SOS2: variants seen among roughly 807,000 people sequenced by gnomAD.
The protein encoded by SOS2 is son of sevenless homolog 2.
Under a neutral mutation model 148.2 loss-of-function variants are expected in SOS2, and 65 were observed. That is an observed-to-expected ratio of 0.44 (90% CI 0.36 to 0.54). The LOEUF (loss-of-function observed/expected upper bound fraction) is 0.54, where lower values mean the gene tolerates loss of function less well. Among genes scored for constraint, SOS2 ranks in the 20% least tolerant of loss-of-function variants. SOS2 has a pLI of 0.00. For synonymous variants in SOS2, 539 were observed against 537.1 expected (o/e 1.00, Z -0.05); for missense variants, 1,341 against 1,590.2 (o/e 0.84, Z 2.67).
chr14:50,143,101 C>T (rs1884347403), intron 16 of SOS2, among the ~76,000 whole-genome samples: 1 of 151,904 alleles, frequency 6.6e-6, no homozygotes, highest in South Asian at 2.1e-4. Flanking sequence ...AAAAGACAAA[C>T]AGAAATGAGA....
At position 50,119,803 on chromosome 14, in the gene SOS2, CTT is replaced by C. The variant is rs59325250; in HGVS notation, c.3489+470_3489+471del. Among the ~76,000 whole-genome samples the C allele has an allele frequency of 1.8e-4, 12 of 68,528 alleles. No homozygotes were observed. In the South Asian group the frequency reaches 3.0e-3, roughly 17 times the overall value. 45.0% of individuals were successfully genotyped at this position (68,528 alleles called of 152,430 possible). ...TGCCTGCCTCAGCCTCCCAACCAGC[CTT>C]TTTTTTTTTTTTTTTTTTTTTTGAG... On this transcript the variant is annotated intron_variant, in intron 22 of 22. Transcript: ENST00000216373.
intron 5 of SOS2, among the ~76,000 whole-genome samples, chr14:50,188,114 A>G (rs1395323380): frequency 6.6e-6 from 1 of 152,146 alleles, no homozygotes; most frequent in Non-Finnish European, 1.5e-5. Flanking sequence ...TAAAGTTACT[A>G]TTTATGGGCT....
At chr14:50,119,571 G>A (rs1436566662) in intron 22 of SOS2, among the ~76,000 whole-genome samples, 1 of 150,742 alleles carries the variant, frequency 6.6e-6, no homozygotes, top group Non-Finnish European at 1.5e-5. Context: ...TTGCTCTGTC[G>A]CCCAGGCTGG....
chr14:50,182,635 T>C (rs919498842), intron 5 of SOS2, 29 bp from the exon 6 acceptor site: 2 of 1,573,944 alleles, frequency 1.3e-6, no homozygotes, highest in Middle Eastern at 2.1e-4. Flanking sequence ...GGTTAAGAAA[T>C]GTGAGATTGA....
chr14:50,191,759 T>G (rs1002497287), intron 4 of SOS2, among the ~76,000 whole-genome samples: 1 of 152,190 alleles, frequency 6.6e-6, no homozygotes, highest in Admixed American at 6.5e-5. Flanking sequence ...TGCCAGCTGT[T>G]TTCTGTTAGG....
intron 7 of SOS2, among the ~76,000 whole-genome samples, chr14:50,178,644 G>A (rs918008603): frequency 1.8e-4 from 26 of 141,848 alleles, no homozygotes; most frequent in African/African-American, 6.6e-4. Context: ...CACCATGCCC[G>A]CTAGTGTGTG....
chr14:50,166,681 T>C (rs1002582568), intron 8 of SOS2, among the ~76,000 whole-genome samples: 1 of 152,180 alleles, frequency 6.6e-6, no homozygotes, highest in Non-Finnish European at 1.5e-5. Context: ...TTCACTGAAA[T>C]ATTTACCCTG....
In SOS2 at chr14:50,188,503, T is replaced by A. The variant is rs1197421823; in HGVS notation, c.708A>T (p.Lys236Asn). The A allele has an allele frequency of 1.3e-6, 2 of 1,597,718 alleles. No homozygotes were observed. The highest frequency in any genetic ancestry group is 4.5e-5 in the East Asian group (2 of 44,728). ...AACCCAAAAAGGTACTTACAGAAGG[T>A]TTAAACAGCTTTCTATCAGAAAGAA... The part of the protein sequence containing the change: ...EAFLSDRKLF[K>N]PSDIEKIFSN... The change falls in exon 5 of 23, where the codon AAA (lysine) becomes AAT (asparagine). Residue 236 changes from lysine to asparagine, a missense_variant. By Grantham distance (94) the Lys-to-Asn change is moderately conservative. This residue lies in a region of SOS2 where 574 missense variants were observed against 711.1 expected (regional missense o/e 0.81). Transcript: ENST00000216373.
chr14:50,133,980 C>CA lies in SOS2; in HGVS notation c.3075+142dup, dbSNP rs71118843. 0.047 allele frequency: 30,002 copies of CA among 636,766 alleles called. 898 individuals carry two copies. Among genetic ancestry groups the CA allele is most frequent in the Non-Finnish European group, 0.065 (22,856 of 354,214 alleles). 39.4% of individuals were successfully genotyped at this position (636,766 alleles called of 1,614,324 possible). A position where few individuals can be genotyped will look rare whatever the true frequency, so the allele number is the denominator to read the frequency against. Reference sequence around the variant, plus strand: ...ATCAAAAGGCTGACATTTCCCCCCCCAGTTTTAGAAATAGTATATTACTGC... The same window carrying CA: ...ATCAAAAGGCTGACATTTCCCCCCCCAAGTTTTAGAAATAGTATATTACTGC... On this transcript the variant is annotated intron_variant, in intron 19 of 22. Transcript: ENST00000216373.
At chr14:50,184,229 A>G (rs974861447) in intron 5 of SOS2, among the ~76,000 whole-genome samples, 1 of 152,198 alleles carries the variant, frequency 6.6e-6, no homozygotes, top group Non-Finnish European at 1.5e-5. Flanking sequence ...CAAACACATC[A>G]TATGACTGAC....
chr14:50,207,695 C>G (rs1293381258), intron 1 of SOS2, among the ~76,000 whole-genome samples: 4 of 151,600 alleles, frequency 2.6e-5, no homozygotes, highest in Non-Finnish European at 4.4e-5. Context: ...CATCTGAGGT[C>G]GGGAGTTCGA....
At chr14:50,140,171 T>C in intron 16 of SOS2, 112 bp from the exon 17 acceptor site, 1 of 587,818 alleles carries the variant, frequency 1.7e-6, no homozygotes, top group South Asian at 2.5e-5. Context: ...ACAATTTTTT[T>C]ACATTAAAAG....
At chr14:50,202,613 T>G (rs1005544376) in intron 2 of SOS2, among the ~76,000 whole-genome samples, 3 of 152,236 alleles carry the variant, frequency 2.0e-5, no homozygotes, top group Non-Finnish European at 2.9e-5. Flanking sequence ...CATGCACTTG[T>G]AGTCCCAGCT....
chr14:50,129,882 C>T (rs984755971), intron 21 of SOS2, 79 bp downstream of exon 21: 3 of 876,428 alleles, frequency 3.4e-6, no homozygotes, highest in South Asian at 3.2e-5. Flanking sequence ...ATTGCCAAAA[C>T]TCAAAATACT....
chr14:50,155,735 A>ATTCT (rs1314919097), intron 12 of SOS2, among the ~76,000 whole-genome samples: 9 of 152,186 alleles, frequency 5.9e-5, no homozygotes, highest in Non-Finnish European at 1.3e-4. Context: ...AGGACTGAGA[A>ATTCT]CACAGCAAAT....
intron 7 of SOS2, among the ~76,000 whole-genome samples, chr14:50,180,250 T>TA (rs1387459720): frequency 5.3e-5 from 8 of 149,688 alleles, no homozygotes; most frequent in Non-Finnish European, 1.2e-4. Context: ...GTGATCCACC[T>TA]GTCTTGGCCT....
intron 14 of SOS2, among the ~76,000 whole-genome samples, chr14:50,146,392 C>T (rs1293809196): frequency 6.6e-6 from 1 of 152,094 alleles, no homozygotes; most frequent in African/African-American, 2.4e-5. Context: ...GCCTGTAATC[C>T]CAGCACTTTG....
chr14:50,185,244 A>C (rs1209721927), intron 5 of SOS2, among the ~76,000 whole-genome samples: 1 of 152,018 alleles, frequency 6.6e-6, no homozygotes, highest in Non-Finnish European at 1.5e-5. Context: ...CTGAGTCCTT[A>C]ATCTGTGAGA....
At chr14:50,222,476 C>G (rs1433682234) in intron 1 of SOS2, among the ~76,000 whole-genome samples, 4 of 152,110 alleles carry the variant, frequency 2.6e-5, no homozygotes, top group Non-Finnish European at 5.9e-5. Flanking sequence ...ATACTGTGAA[C>G]ACTGATGTGG....
Sources: gnomAD v4.1 joint callset for allele counts (sites outside exome capture counted in the v4.1 genomes callset) on GRCh38, gnomAD v4.1.1 for gene constraint, gnomAD v4.1.1 regional missense constraint, MANE v1.5 for transcripts, NCBI Gene and HGNC (gene_info 2026-07-23, HGNC 2026-07-21) for gene names.